SUZ12: variants seen among roughly 807,000 people sequenced by gnomAD.
SUZ12 encodes the protein SUZ12 polycomb repressive complex 2 subunit, also known as polycomb protein SUZ12.
In SUZ12, 17 loss-of-function variants were observed where a neutral mutation model predicts 87.3. That is an observed-to-expected ratio of 0.19 (90% CI 0.13 to 0.29). SUZ12 has a LOEUF of 0.29. SUZ12 is among the 10% of genes least tolerant of loss of function. The pLI, the probability that SUZ12 is intolerant of heterozygous loss-of-function variation, is 1.00. For missense variants in SUZ12, 526 were observed against 912.2 expected, an observed-to-expected ratio of 0.58 and a Z score of 5.45; for synonymous variants, 253 against 312.4, an observed-to-expected ratio of 0.81 and a Z score of 2.01.
intron 8 of SUZ12, 146 bp downstream of exon 8, chr17:31,976,760 A>G: frequency 1.6e-6 from 1 of 629,138 alleles, no homozygotes; most frequent in Non-Finnish European, 2.7e-6. Flanking sequence ...CAAACACTGA[A>G]TTTTTGTCTG....
chr17:31,959,197 C>T (rs1907552714), intron 4 of SUZ12, among the ~76,000 whole-genome samples: 1 of 151,946 alleles, frequency 6.6e-6, no homozygotes, highest in African/African-American at 2.4e-5. Flanking sequence ...GTTCTTTTTT[C>T]AGAACCTGGC....
chr17:31,996,457 G>C (rs911975830), intron 14 of SUZ12, among the ~76,000 whole-genome samples: 3 of 151,962 alleles, frequency 2.0e-5, no homozygotes, highest in Non-Finnish European at 4.4e-5. Flanking sequence ...TCTACTAAAA[G>C]AAAATACAAG....
intron 3 of SUZ12, among the ~76,000 whole-genome samples, chr17:31,945,742 TAATC>T (rs960405532): frequency 1.3e-5 from 2 of 152,192 alleles, no homozygotes; most frequent in African/African-American, 4.8e-5. Flanking sequence ...TTCAAATGGT[TAATC>T]AATTCTATTC....
intron 9 of SUZ12, 88 bp from the exon 10 acceptor site, chr17:31,988,232 T>C (rs1262483373): frequency 1.5e-6 from 2 of 1,304,818 alleles, no homozygotes; most frequent in African/African-American, 3.1e-5. Flanking sequence ...AAATCCACAT[T>C]GACTTATAAT....
intron 1 of SUZ12, among the ~76,000 whole-genome samples, chr17:31,939,481 T>G (rs1444008208): frequency 6.6e-6 from 1 of 151,848 alleles, no homozygotes; most frequent in South Asian, 2.1e-4. Context: ...TGTCATCATA[T>G]CTGTATTAGG....
At chr17:31,951,379 G>A (rs1199274701) in intron 4 of SUZ12, among the ~76,000 whole-genome samples, 5 of 152,070 alleles carry the variant, frequency 3.3e-5, no homozygotes, top group Non-Finnish European at 7.4e-5. Flanking sequence ...GGTGTTTCAC[G>A]GTCTTTTATA....
rs1303746893 is a variant in SUZ12, at chr17:31,973,768, T to G, written c.591+537T>G. Among the ~76,000 whole-genome samples, 4 of 152,248 alleles carry G rather than the reference T, an allele frequency of 2.6e-5. No homozygotes were observed. In the East Asian group the frequency reaches 7.7e-4, roughly 29 times the overall value. ...CGATCAAAGCCAACATATGTACCTT[T>G]AGTTGCCTCAAGTCCTCGAGTGTTT... On this transcript the variant is annotated intron_variant, in intron 6 of 15. Transcript: ENST00000322652.
intron 4 of SUZ12, among the ~76,000 whole-genome samples, chr17:31,962,706 ACT>A (rs1907809210): frequency 6.6e-6 from 1 of 152,224 alleles, no homozygotes; most frequent in Non-Finnish European, 1.5e-5. Context: ...GGATTTTCTG[ACT>A]CTATAAATTC....
intron 4 of SUZ12, among the ~76,000 whole-genome samples, chr17:31,957,895 C>CTTTTTTTTTTTTTTTTTTTTTTT (rs1181314058): frequency 7.7e-5 from 7 of 91,332 alleles, no homozygotes; most frequent in Non-Finnish European, 1.3e-4. Flanking sequence ...ACCTTTTGTC[C>CTTTTTTTTTTTTTTTTTTTTTTT]TTTTTTTTTT....
chr17:31,945,258 C>T (rs1237897969), intron 3 of SUZ12, among the ~76,000 whole-genome samples: 9 of 152,016 alleles, frequency 5.9e-5, no homozygotes, highest in Non-Finnish European at 1.0e-4. Context: ...TTTCAGAACT[C>T]GTTTTTTACT....
At chr17:31,959,108 C>CT (rs969675522) in intron 4 of SUZ12, among the ~76,000 whole-genome samples, 109 of 152,036 alleles carry the variant, frequency 7.2e-4, no homozygotes, top group African/African-American at 1.4e-3. Context: ...TTTTCCCTTT[C>CT]TTTTTTTTAA....
At position 31,938,419 on chromosome 17, in the gene SUZ12, C is replaced by T. The variant is rs142153673; in HGVS notation, c.274+899C>T. Among the ~76,000 whole-genome samples the T allele has an allele frequency of 2.4e-3, 373 of 152,314 alleles. 2 individuals are homozygous for T. The highest frequency in any genetic ancestry group is 4.6e-3 in the Non-Finnish European group (314 of 68,038). On this transcript the variant is annotated intron_variant, in intron 1 of 15. Coordinates refer to ENST00000322652, the MANE Select transcript of SUZ12 (RefSeq NM_015355.4). ...CTCTACCGCCCAGTGTCCTTATTTACAGTTTCACTGTGGCATATGTTAAGG... is the reference window on the plus strand; with the variant it reads ...CTCTACCGCCCAGTGTCCTTATTTATAGTTTCACTGTGGCATATGTTAAGG...
intron 14 of SUZ12, among the ~76,000 whole-genome samples, chr17:31,996,161 G>C (rs1305508002): frequency 6.6e-6 from 1 of 152,206 alleles, no homozygotes; most frequent in African/African-American, 2.4e-5. Context: ...AGTGAGCCAA[G>C]ATTGCACCAC....
At chr17:31,952,521 A>G (rs9899054) in intron 4 of SUZ12, among the ~76,000 whole-genome samples, 1 of 152,130 alleles carries the variant, frequency 6.6e-6, no homozygotes, top group African/African-American at 2.4e-5. Flanking sequence ...GCAGGATTCT[A>G]GGGATTCTTA....
intron 9 of SUZ12, among the ~76,000 whole-genome samples, chr17:31,985,281 TG>T (rs1341530339): frequency 1.3e-5 from 2 of 151,944 alleles, no homozygotes; most frequent in African/African-American, 2.4e-5. Context: ...TTTGTCACAG[TG>T]TAGTAACTTG....
chr17:31,948,683 T>C (rs1440377545), intron 4 of SUZ12, among the ~76,000 whole-genome samples: 1 of 152,206 alleles, frequency 6.6e-6, no homozygotes, highest in African/African-American at 2.4e-5. Flanking sequence ...GATTATAAAA[T>C]GATATTTTTT....
intron 8 of SUZ12, among the ~76,000 whole-genome samples, chr17:31,977,639 C>T (rs935760880): frequency 6.6e-6 from 1 of 152,016 alleles, no homozygotes; most frequent in African/African-American, 2.4e-5. Flanking sequence ...GCCTGTAATC[C>T]CAGCTCTTTG....
chr17:31,988,279 T>A (rs1909518492), intron 9 of SUZ12, 41 bp from the exon 10 acceptor site: 1 of 1,488,300 alleles, frequency 6.7e-7, no homozygotes, highest in Non-Finnish European at 9.0e-7. Context: ...TTTGAATTCA[T>A]TATCTGAGTC....
intron 6 of SUZ12, among the ~76,000 whole-genome samples, chr17:31,974,410 C>T (rs1908619879): frequency 1.3e-5 from 2 of 152,086 alleles, no homozygotes; most frequent in Admixed American, 6.6e-5. Flanking sequence ...ACCTGTAGTG[C>T]CAGCTACTCA....
Sources: gnomAD v4.1 joint callset for allele counts (sites outside exome capture counted in the v4.1 genomes callset) on GRCh38, gnomAD v4.1.1 for gene constraint, MANE v1.5 for transcripts, NCBI Gene and HGNC (gene_info 2026-07-23, HGNC 2026-07-21) for gene names.